Variants in SIGLEC11 observed in about 807,000 individuals in gnomAD.
SIGLEC11 encodes sialic acid binding Ig like lectin 11.
Under a neutral mutation model 61.2 loss-of-function variants are expected in SIGLEC11, and 47 were observed. That is an observed-to-expected ratio of 0.77 (90% CI 0.61 to 0.98). The LOEUF (loss-of-function observed/expected upper bound fraction) is 0.98. Ranked by LOEUF, SIGLEC11 falls within the 50% of genes least tolerant of loss-of-function variation. SIGLEC11 has a pLI of 0.00. For missense variants in SIGLEC11, 610 were observed against 870.3 expected, an observed-to-expected ratio of 0.70 and a Z score of 3.76; for synonymous variants, 278 against 373.1, an observed-to-expected ratio of 0.75 and a Z score of 2.94.
Position 49,950,140 on chromosome 19 carries a change from G to A in SIGLEC11, c.1927C>T (p.His643Tyr), listed in dbSNP as rs746352161. 19 of 1,612,878 alleles carry A rather than the reference G, an allele frequency of 1.2e-5. No homozygotes were observed. The highest frequency in any genetic ancestry group is 1.4e-5 in the Non-Finnish European group (17 of 1,179,670). The part of the protein sequence containing the change: ...TPGKGEEQEL[H>Y]YASLSFQGLR... ...CCCTGGAAGCTGAGGGAGGCATAGT[G>A]GAGCTCCTGCTCTTCCCCCTTCCCC... Residue 643 changes from histidine to tyrosine, a missense_variant, in exon 11 of 11, where the codon CAC becomes TAC. His to Tyr is a moderately conservative substitution (Grantham distance 83, BLOSUM62 2). Around this residue, in one of 6 missense-constraint regions of SIGLEC11, gnomAD observed 432 missense variants for 441.5 expected, o/e 0.98. Transcript: ENST00000447370.
Position 49,951,818 on chromosome 19 carries a change from C to G in SIGLEC11, c.1830+73G>C. 7.6e-7 allele frequency: 1 copy of G among 1,315,532 alleles called. No individual in the cohort carries two copies. The highest frequency in any genetic ancestry group is 1.0e-6 in the Non-Finnish European group (1 of 968,180). The allele number at this position is 1,315,532 out of a possible 1,614,324, so 81.5% of individuals were successfully genotyped here. A position where few individuals can be genotyped will look rare whatever the true frequency, so the allele number is the denominator to read the frequency against. ...GGGGCACAATGATTCTGCAAGTCAC[C>G]AAGAGGACTACCCATGGCCATCAAG... On this transcript the variant is annotated intron_variant, in intron 10 of 10. Transcript: ENST00000447370. This position sits in a 1 kb window ranked among gnomAD's most constrained non-coding sequence, Gnocchi z 4.6.
chr19:49,953,786 G>A (rs1600609575), intron 8 of SIGLEC11, among the ~76,000 whole-genome samples: 1 of 152,238 alleles, frequency 6.6e-6, no homozygotes, highest in East Asian at 1.9e-4. Flanking sequence ...CGAAACTAGA[G>A]GAAGAGTGAG....
chr19:49,954,751 G>T lies in SIGLEC11; in HGVS notation c.1652-2357C>A, dbSNP rs1163843674. 2.0e-5 allele frequency among the ~76,000 whole-genome samples: 3 copies of T among 152,042 alleles called. 1 individual carries two copies. The highest frequency in any genetic ancestry group is 4.4e-5 in the Non-Finnish European group (3 of 68,016). On this transcript the variant is annotated intron_variant, in intron 8 of 10. Coordinates refer to ENST00000447370, the MANE Select transcript of SIGLEC11 (RefSeq NM_052884.3). ...CTAAAAAGCGCAGGAGAGTAACATAGGCAGCTCTCCCCTGGCTAAAACCCC... is the reference window on the plus strand; with the variant it reads ...CTAAAAAGCGCAGGAGAGTAACATATGCAGCTCTCCCCTGGCTAAAACCCC...
At chr19:49,958,043 T>C (rs1170814697) in intron 8 of SIGLEC11, among the ~76,000 whole-genome samples, 1 of 152,068 alleles carries the variant, frequency 6.6e-6, no homozygotes, top group African/African-American at 2.4e-5. Context: ...TATTTAATGC[T>C]CAGCTTTTGA....
chr19:49,950,537 A>G (rs887587258), intron 10 of SIGLEC11, among the ~76,000 whole-genome samples: 1 of 152,142 alleles, frequency 6.6e-6, no homozygotes, highest in Admixed American at 6.6e-5. Context: ...CCATGATCAG[A>G]TGGAGAAATG....
At chr19:49,959,280 T>G in intron 5 of SIGLEC11, 80 bp downstream of exon 5, 1 of 1,577,342 alleles carries the variant, frequency 6.3e-7, no homozygotes, top group Admixed American at 1.8e-5. Flanking sequence ...CAAGACCCCC[T>G]CAGCTCTGGG....
rs55957420 is a variant in SIGLEC11 at position 49,955,934 on chromosome 19, C to CAAA, written c.1651+2346_1651+2348dup. On this transcript the variant is annotated intron_variant, in intron 8 of 10. Coordinates refer to ENST00000447370, the MANE Select transcript of SIGLEC11 (RefSeq NM_052884.3). The surrounding 1 kb of genome is among the most constrained non-coding windows in gnomAD (Gnocchi z 4.5). The stretch of plus-strand genomic sequence containing the variant: ...AGGGCAACAGAGCGAGACTCCGTCT[C>CAAA]AAAAAAAAAAAAAAAAAGAACTTGT... Among the ~76,000 whole-genome samples, 2 of 91,626 alleles carry CAAA rather than the reference C, an allele frequency of 2.2e-5. No homozygotes were observed. Among genetic ancestry groups the CAAA allele is most frequent in the Admixed American group, 1.2e-4 (1 of 8,630 alleles). The allele number at this position is 91,626 out of a possible 152,430, so 60.1% of individuals were successfully genotyped here. A position where few individuals can be genotyped will look rare whatever the true frequency, so the allele number is the denominator to read the frequency against.
At chr19:49,957,199 C>T (rs949383934) in intron 8 of SIGLEC11, among the ~76,000 whole-genome samples, 34 of 152,122 alleles carry the variant, frequency 2.2e-4, no homozygotes, top group African/African-American at 8.0e-4. Flanking sequence ...ACTCAGCTAA[C>T]GGCTCTGCAT....
intron 9 of SIGLEC11, 40 bp from the exon 10 acceptor site, chr19:49,952,012 C>T (rs768009261): frequency 3.8e-6 from 6 of 1,563,138 alleles, no homozygotes; most frequent in South Asian, 1.2e-5. Context: ...CCAGGCTGGT[C>T]CAGAGCCTGG....
chr19:49,958,694 C>T lies in SIGLEC11; in HGVS notation c.1312G>A (p.Ala438Thr), dbSNP rs371066318. The T allele has an allele frequency of 1.3e-4, 202 of 1,611,358 alleles. 1 individual carries two copies. Among genetic ancestry groups the T allele is most frequent in the Non-Finnish European group, 1.6e-4 (188 of 1,178,476 alleles). Reference sequence around the variant, plus strand: ...TGCTGGGAGCCCAGAGGGTGCTGAGCGTGGCAGGTGAACTCTCCTTCGTGC... The same window carrying T: ...TGCTGGGAGCCCAGAGGGTGCTGAGTGTGGCAGGTGAACTCTCCTTCGTGC... ...MEHEGEFTCH[A>T]QHPLGSQHVS... The change falls in exon 7 of 11, where the codon GCT becomes ACT. Residue 438 changes from alanine to threonine, a missense_variant. Coordinates refer to ENST00000447370, the MANE Select transcript of SIGLEC11 (RefSeq NM_052884.3).
At position 49,958,924 on chromosome 19, in the gene SIGLEC11, G is replaced by C. The variant is rs201860708; in HGVS notation, c.1106-24C>G. 1.9e-6 allele frequency: 3 copies of C among 1,604,450 alleles called. No homozygotes were observed. The African/African-American group carries it at 4.0e-5, about 22-fold the overall frequency. ...GACTAGGGAAGGAAGAGGCAGAATC[G>C]ACGTGCAGCTCAGGGCTCAGGGACC... On this transcript the variant is annotated intron_variant, in intron 6 of 10. Transcript: ENST00000447370.
chr19:49,960,383 G>C lies in SIGLEC11; in HGVS notation c.499C>G (p.Leu167Val), dbSNP rs999522789. ...ACCGTCACCGGCTGCCCGGGCTCCA[G>C]GGTCTCGGGGATGTAGACATCAGGC... ...KKPDVYIPET[L>V]EPGQPVTVIC... The change falls in exon 3 of 11, where the codon CTG becomes GTG. Residue 167 changes from leucine to valine, a missense_variant. Around this residue, in one of 6 missense-constraint regions of SIGLEC11, gnomAD observed 99 missense variants for 131.6 expected, o/e 0.75. Transcript: ENST00000447370. 6 of 1,598,018 alleles carry C rather than the reference G, an allele frequency of 3.8e-6. 1 individual carries two copies. In the African/African-American group the frequency reaches 9.7e-5, roughly 26 times the overall value.
At position 49,958,683 on chromosome 19, in the gene SIGLEC11, A is replaced by C. The variant is rs776441362; in HGVS notation, c.1323T>G (p.Pro441=). The C allele has an allele frequency of 1.4e-5, 22 of 1,609,214 alleles. No homozygotes were observed. The highest frequency in any genetic ancestry group is 1.7e-5 in the Admixed American group (1 of 59,554). ...TGAGAGAGACGTGCTGGGAGCCCAG[A>C]GGGTGCTGAGCGTGGCAGGTGAACT... ...EGEFTCHAQH[P]LGSQHVSLSL... The change falls in exon 7 of 11, where the codon CCT becomes CCG. Residue 441 remains proline, a synonymous_variant. Coordinates refer to ENST00000447370, the MANE Select transcript of SIGLEC11 (RefSeq NM_052884.3).
chr19:49,950,186 T>TG lies in SIGLEC11; in HGVS notation c.1880dup (p.Gly628ArgfsTer91). The TG allele has an allele frequency of 6.2e-7, 1 of 1,604,820 alleles. No homozygotes were observed. ...TCCCCGGGGTGTAGGTGGCTGCACC[T>TG]GGGGGCGGGTGGTCTTGGGAGCTGC... On this transcript the variant is annotated frameshift_variant, in exon 11 of 11. Coordinates refer to ENST00000447370, the MANE Select transcript of SIGLEC11 (RefSeq NM_052884.3). LOFTEE classifies it low-confidence loss of function (END_TRUNC).
At chr19:49,952,247 T>C in intron 9 of SIGLEC11, 51 bp downstream of exon 9, 2 of 1,567,602 alleles carry the variant, frequency 1.3e-6, no homozygotes, top group Non-Finnish European at 1.7e-6. Flanking sequence ...TCTGGGATTC[T>C]AGAACCCTCA....
At position 49,951,868 on chromosome 19, in the gene SIGLEC11, G is replaced by T. The variant is rs2122880602; in HGVS notation, c.1830+23C>A. ...GGAAAGGGGAACAGGCAGGGCCCCA[G>T]CAGACAGAGGCTGGGCTCTCACCTG... On this transcript the variant is annotated intron_variant, in intron 10 of 10. Coordinates refer to ENST00000447370, the MANE Select transcript of SIGLEC11 (RefSeq NM_052884.3). This position sits in a 1 kb window ranked among gnomAD's most constrained non-coding sequence, Gnocchi z 4.6. 2 of 1,565,106 alleles carry T rather than the reference G, an allele frequency of 1.3e-6. No homozygotes were observed. The highest frequency in any genetic ancestry group is 8.6e-7 in the Non-Finnish European group (1 of 1,156,398).
chr19:49,960,634 C>G lies in SIGLEC11; in HGVS notation c.378G>C (p.Glu126Asp), dbSNP rs973301888. 1.9e-6 allele frequency: 3 copies of G among 1,603,140 alleles called. No homozygotes were observed. Among genetic ancestry groups the G allele is most frequent in the Non-Finnish European group, 2.5e-6 (3 of 1,179,118 alleles). ...LVIRDAQRED[E>D]AWYFFRVERG... ...TCTCCACCCGAAAGAAGTACCATGC[C>G]TCATCCTCCCTCTGCGCGTCTCTGA... The change falls in exon 2 of 11, where the codon GAG becomes GAC. Residue 126 changes from glutamate (E) to aspartate (D), a missense_variant. Transcript: ENST00000447370.
At position 49,955,154 on chromosome 19, in the gene SIGLEC11, C is replaced by T. The variant is rs114726949; in HGVS notation, c.1652-2760G>A. On this transcript the variant is annotated intron_variant, in intron 8 of 10. Transcript: ENST00000447370. This position sits in a 1 kb window ranked among gnomAD's most constrained non-coding sequence, Gnocchi z 4.5. ...GCCACCCAGCTTATAAAAGTGACCA[C>T]CAAGATGTACATGAACCATGACCAG... Among the ~76,000 whole-genome samples the T allele has an allele frequency of 0.051, 7,720 of 151,966 alleles. 242 individuals carry two copies. Among genetic ancestry groups the T allele is most frequent in the Middle Eastern group, 0.085 (25 of 294 alleles).
intron 8 of SIGLEC11, among the ~76,000 whole-genome samples, chr19:49,957,382 G>A (rs1600615230): frequency 6.6e-6 from 1 of 150,908 alleles, no homozygotes; most frequent in South Asian, 2.2e-4. Flanking sequence ...GGCAAGGCAA[G>A]GGTTAAAAAA....
Sources: gnomAD v4.1 joint callset for allele counts (sites outside exome capture counted in the v4.1 genomes callset) on GRCh38, gnomAD v4.1.1 for gene constraint, gnomAD v4.1.1 regional missense constraint, Gnocchi (gnomAD v3.1) non-coding constraint, MANE v1.5 for transcripts, NCBI Gene and HGNC (gene_info 2026-07-23, HGNC 2026-07-21) for gene names.